The following ADAMTS2 variants were observed in gnomAD, a reference collection of about 807,000 sequenced individuals.
The protein encoded by ADAMTS2 is A disintegrin and metalloproteinase with thrombospondin motifs 2.
Under a neutral mutation model 123.0 loss-of-function variants are expected in ADAMTS2, and 50 were observed. That is an observed-to-expected ratio of 0.41 (90% CI 0.32 to 0.51). The LOEUF is 0.51. Ranked by LOEUF, ADAMTS2 falls within the 20% of genes least tolerant of loss-of-function variation. The probability of loss-of-function intolerance (pLI) is 0.35; values close to 1 mark genes in which losing one functional copy is unlikely to be tolerated. For missense variants in ADAMTS2, 1,494 were observed against 1,705.2 expected, an observed-to-expected ratio of 0.88 and a Z score of 2.18; for synonymous variants, 678 against 695.4, an observed-to-expected ratio of 0.98 and a Z score of 0.39.
intron 2 of ADAMTS2, among the ~76,000 whole-genome samples, chr5:179,325,912 G>A (rs78925498): frequency 3.0e-4 from 45 of 152,334 alleles, no homozygotes; most frequent in African/African-American, 9.1e-4. Context: ...GGACAGGAGC[G>A]AGGCCAGCCG....
At chr5:179,143,389 C>T (rs973361789) in intron 10 of ADAMTS2, among the ~76,000 whole-genome samples, 3 of 149,162 alleles carry the variant, frequency 2.0e-5, no homozygotes, top group Non-Finnish European at 4.4e-5. Context: ...GCTGAGATCG[C>T]GCCACTGCGC....
Position 179,135,907 on chromosome 5 carries a change from A to G in ADAMTS2, c.2085+2T>C, listed in dbSNP as rs966330125. 6.2e-7 allele frequency: 1 copy of G among 1,612,516 alleles called. No individual in the cohort carries two copies. Among genetic ancestry groups the G allele is most frequent in the African/African-American group, 1.3e-5 (1 of 74,742 alleles). On this transcript the variant is annotated splice_donor_variant, in intron 13 of 21. Coordinates refer to ENST00000251582, the MANE Select transcript of ADAMTS2 (RefSeq NM_014244.5). LOFTEE classifies it high-confidence loss of function. ...CCCCCGTGCCGGCCTCTGTGTACTC[A>G]CCCTGCAGTCCCCGCGCACACAGAG...
At chr5:179,319,213 CAT>C (rs1472317774) in intron 2 of ADAMTS2, among the ~76,000 whole-genome samples, 3 of 152,228 alleles carry the variant, frequency 2.0e-5, no homozygotes, top group East Asian at 1.9e-4. Flanking sequence ...ACACATCACT[CAT>C]ATGTGCATCT....
rs1447860565 is a variant in ADAMTS2, at chr5:179,272,591, A to G, written c.688+320T>C. On this transcript the variant is annotated intron_variant, in intron 3 of 21. Transcript: ENST00000251582. The surrounding 1 kb of genome is among the most constrained non-coding windows in gnomAD (Gnocchi z 5.8). ...GGGGGCCCCCGCCCCGCTCCACGACACTTGCTTGCCTTTAGGCAACAGAAG... is the reference window on the plus strand; with the variant it reads ...GGGGGCCCCCGCCCCGCTCCACGACGCTTGCTTGCCTTTAGGCAACAGAAG... 6.6e-6 allele frequency among the ~76,000 whole-genome samples: 1 copy of G among 152,064 alleles called. No homozygotes were observed. Among genetic ancestry groups the G allele is most frequent in the African/African-American group, 2.4e-5 (1 of 41,426 alleles).
chr5:179,121,329 A>C (rs1053875164), intron 21 of ADAMTS2: 2 of 185,586 alleles, frequency 1.1e-5, no homozygotes, highest in Non-Finnish European at 2.2e-5. Context: ...ACGCCGCGAG[A>C]CCGCGAACCC....
intron 12 of ADAMTS2, among the ~76,000 whole-genome samples, chr5:179,136,563 G>C (rs190404792): frequency 1.8e-3 from 266 of 151,988 alleles, no homozygotes; most frequent in Non-Finnish European, 3.0e-3. Context: ...TACTTGGGAG[G>C]CTGAGGCAGG....
Position 179,181,007 on chromosome 5 carries a change from C to T in ADAMTS2, c.975+65G>A. On this transcript the variant is annotated intron_variant, in intron 5 of 21. Coordinates refer to ENST00000251582, the MANE Select transcript of ADAMTS2 (RefSeq NM_014244.5). The surrounding 1 kb of genome is among the most constrained non-coding windows in gnomAD (Gnocchi z 4.1). ...CACACACTCTCCAAGGAGGCCCATGCCTCACTCCCAGGCCCCTCACTCCGA... is the reference window on the plus strand; with the variant it reads ...CACACACTCTCCAAGGAGGCCCATGTCTCACTCCCAGGCCCCTCACTCCGA... 3.1e-6 allele frequency: 4 copies of T among 1,288,076 alleles called. No homozygotes were observed. In the South Asian group the frequency reaches 3.5e-5, roughly 11 times the overall value. The allele number at this position is 1,288,076 out of a possible 1,614,324, so 79.8% of individuals were successfully genotyped here.
At chr5:179,125,257 C>T in intron 18 of ADAMTS2, 77 bp from the exon 19 acceptor site, 1 of 1,378,334 alleles carries the variant, frequency 7.3e-7, no homozygotes, top group South Asian at 1.2e-5. Flanking sequence ...CAGCGCCGCT[C>T]CCTGCAGCCC....
chr5:179,217,297 A>C (rs1765005332), intron 3 of ADAMTS2, among the ~76,000 whole-genome samples: 1 of 152,240 alleles, frequency 6.6e-6, no homozygotes. Context: ...ACTTACATAA[A>C]TTATGGATAC....
chr5:179,189,600 G>A lies in ADAMTS2; in HGVS notation c.892-8445C>T, dbSNP rs902120004. 5.9e-5 allele frequency among the ~76,000 whole-genome samples: 8 copies of A among 135,422 alleles called. No homozygotes were observed. The highest frequency in any genetic ancestry group is 4.3e-4 in the Admixed American group (5 of 11,606). The allele number at this position is 135,422 out of a possible 152,430, so 88.8% of individuals were successfully genotyped here. A position where few individuals can be genotyped will look rare whatever the true frequency, so the allele number is the denominator to read the frequency against. ...TCTTGATCTCCTGACTTCATGATCT[G>A]CCCGCCTCGGCCTCCCAAAGTGCTG... On this transcript the variant is annotated intron_variant, in intron 4 of 21. Transcript: ENST00000251582. This position sits in a 1 kb window ranked among gnomAD's most constrained non-coding sequence, Gnocchi z 4.2.
At position 179,340,383 on chromosome 5, in the gene ADAMTS2, G is replaced by A. The variant is rs529315284; in HGVS notation, c.534+3384C>T. The stretch of plus-strand genomic sequence containing the variant: ...CCACCCATAGGAGCTGCAGCCCAGC[G>A]CAGGTCACGAGCCAGTCAAGGCCAC... On this transcript the variant is annotated intron_variant, in intron 2 of 21. Transcript: ENST00000251582. Among the ~76,000 whole-genome samples, 9 of 152,280 alleles carry A rather than the reference G, an allele frequency of 5.9e-5. No individual in the cohort carries two copies. In the South Asian group the frequency reaches 1.0e-3, roughly 18 times the overall value.
At chr5:179,174,039 A>C (rs545533702) in intron 5 of ADAMTS2, among the ~76,000 whole-genome samples, 1 of 151,926 alleles carries the variant, frequency 6.6e-6, no homozygotes, top group Non-Finnish European at 1.5e-5. Context: ...AGAAAGAAAA[A>C]AAGAACATTT....
rs751250888 is a variant in ADAMTS2, at chr5:179,228,340, G to C, written c.689-20625C>G. ...GGTGACAGGAACGGGCCAGGTGCACGGACAGGGCTGTTCCTGACTCAGCTC... is the reference window on the plus strand; with the variant it reads ...GGTGACAGGAACGGGCCAGGTGCACCGACAGGGCTGTTCCTGACTCAGCTC... On this transcript the variant is annotated intron_variant, in intron 3 of 21. Coordinates refer to ENST00000251582, the MANE Select transcript of ADAMTS2 (RefSeq NM_014244.5). The surrounding 1 kb of genome is among the most constrained non-coding windows in gnomAD (Gnocchi z 5.2). Among the ~76,000 whole-genome samples, 1 of 152,188 alleles carries C rather than the reference G, an allele frequency of 6.6e-6. No individual in the cohort carries two copies. The highest frequency in any genetic ancestry group is 2.4e-5 in the African/African-American group (1 of 41,448).
In ADAMTS2 at chr5:179,250,013, G is replaced by A. The variant is rs544803572; in HGVS notation, c.688+22898C>T. 6.6e-5 allele frequency among the ~76,000 whole-genome samples: 10 copies of A among 152,264 alleles called. No homozygotes were observed. The South Asian group carries it at 2.1e-3, about 32-fold the overall frequency. On this transcript the variant is annotated intron_variant, in intron 3 of 21. Transcript: ENST00000251582. Reference sequence around the variant, plus strand: ...TACAATCACCAAGTGGGATTTATCCGTGGAATGCAAGAGTGGTTCAACACA... The same window carrying A: ...TACAATCACCAAGTGGGATTTATCCATGGAATGCAAGAGTGGTTCAACACA...
At chr5:179,157,798 T>G (rs1763506523) in intron 6 of ADAMTS2, among the ~76,000 whole-genome samples, 1 of 152,246 alleles carries the variant, frequency 6.6e-6, no homozygotes, top group Non-Finnish European at 1.5e-5. Context: ...TGGATTGTCT[T>G]TATTATCCTT....
chr5:179,255,726 C>A (rs969544362), intron 3 of ADAMTS2, among the ~76,000 whole-genome samples: 3 of 152,162 alleles, frequency 2.0e-5, no homozygotes, highest in Admixed American at 2.0e-4. Flanking sequence ...TCAAAGGACA[C>A]CATGTGGAAA....
At chr5:179,328,886 T>C (rs916803801) in intron 2 of ADAMTS2, among the ~76,000 whole-genome samples, 3 of 152,200 alleles carry the variant, frequency 2.0e-5, no homozygotes, top group African/African-American at 7.2e-5. Flanking sequence ...GTTCATTTGT[T>C]CAGCAAAGAT....
At position 179,303,009 on chromosome 5, in the gene ADAMTS2, C is replaced by T. The variant is rs942496467; in HGVS notation, c.535-29945G>A. On this transcript the variant is annotated intron_variant, in intron 2 of 21. Coordinates refer to ENST00000251582, the MANE Select transcript of ADAMTS2 (RefSeq NM_014244.5). The surrounding 1 kb of genome is among the most constrained non-coding windows in gnomAD (Gnocchi z 4.7). ...CAGAGTGGTGGGCCTGGGTGGGGTACAGGAGGTCAGAGTGGTGGGCGGGGG... is the reference window on the plus strand; with the variant it reads ...CAGAGTGGTGGGCCTGGGTGGGGTATAGGAGGTCAGAGTGGTGGGCGGGGG... Among the ~76,000 whole-genome samples, 1 of 147,918 alleles carries T rather than the reference C, an allele frequency of 6.8e-6. No individual in the cohort carries two copies. Among genetic ancestry groups the T allele is most frequent in the Non-Finnish European group, 1.5e-5 (1 of 66,720 alleles).
At chr5:179,266,428 C>CAG (rs70997673) in intron 3 of ADAMTS2, among the ~76,000 whole-genome samples, 49,166 of 151,920 alleles carry the variant, frequency 0.32, 8,351 homozygotes, top group East Asian at 0.58. Context: ...ACCAGGGAGG[C>CAG]AGAGACTGCA....
Sources: gnomAD v4.1 joint callset for allele counts (sites outside exome capture counted in the v4.1 genomes callset) on GRCh38, gnomAD v4.1.1 for gene constraint, Gnocchi (gnomAD v3.1) non-coding constraint, MANE v1.5 for transcripts, NCBI Gene and HGNC (gene_info 2026-07-23, HGNC 2026-07-21) for gene names.